HP1BP3: variants seen among roughly 807,000 people sequenced by gnomAD.
HP1BP3 encodes the protein heterochromatin protein 1 binding protein 3.
In HP1BP3, 12 loss-of-function variants were observed where a neutral mutation model predicts 62.5. The observed-to-expected ratio is 0.19, with a 90% CI of 0.12 to 0.31. HP1BP3 has a LOEUF of 0.31. Ranked by LOEUF, HP1BP3 falls within the 10% of genes least tolerant of loss-of-function variation. HP1BP3 has a pLI of 1.00. For synonymous variants in HP1BP3, 260 were observed against 237.8 expected (o/e 1.09, Z -0.86); for missense variants, 502 against 651.8 (o/e 0.77, Z 2.50).
chr1:20,771,207 A>C, intron 5 of HP1BP3, 134 bp from the exon 6 acceptor site: 1 of 666,570 alleles, frequency 1.5e-6, no homozygotes, highest in Non-Finnish European at 2.6e-6. Flanking sequence ...ACTTCAGAAG[A>C]CTTCAGTTCA....
intron 3 of HP1BP3, among the ~76,000 whole-genome samples, chr1:20,779,426 G>A (rs1388401747): frequency 6.6e-6 from 1 of 151,946 alleles, no homozygotes; most frequent in Non-Finnish European, 1.5e-5. Context: ...TTCTCTGAAG[G>A]CCTCCAGATG....
chr1:20,752,329 G>C (rs1418276116), intron 9 of HP1BP3, among the ~76,000 whole-genome samples: 1 of 151,582 alleles, frequency 6.6e-6, no homozygotes, highest in Admixed American at 6.6e-5. Context: ...GAGTTTCGCT[G>C]TGTTGCCCAG....
At chr1:20,745,759 C>A in intron 11 of HP1BP3, 103 bp from the exon 12 acceptor site, 1 of 1,198,080 alleles carries the variant, frequency 8.3e-7, no homozygotes, top group Non-Finnish European at 1.2e-6. Context: ...TTCTTCCCAC[C>A]CTTCCCAAAA....
At chr1:20,770,362 C>T (rs1330362919) in intron 6 of HP1BP3, among the ~76,000 whole-genome samples, 1 of 152,152 alleles carries the variant, frequency 6.6e-6, no homozygotes, top group African/African-American at 2.4e-5. Flanking sequence ...TCACTCTCAC[C>T]GAGGCTGGAG....
At chr1:20,746,186 A>ATGTGTGTGTGTGTGTG (rs35710978) in intron 11 of HP1BP3, among the ~76,000 whole-genome samples, 17 of 143,144 alleles carry the variant, frequency 1.2e-4, no homozygotes, top group African/African-American at 4.3e-4. Context: ...ACATACATAT[A>ATGTGTGTGTGTGTGTG]TGTGTGTGTG....
chr1:20,759,255 T>C (rs1402572459), intron 8 of HP1BP3, among the ~76,000 whole-genome samples: 2 of 152,040 alleles, frequency 1.3e-5, no homozygotes, highest in South Asian at 2.1e-4. Context: ...ACAAAATTAG[T>C]CAGGTGTGGT....
Position 20,780,393 on chromosome 1 carries a change from G to T in HP1BP3, c.48C>A (p.Leu16=). ...SQGELVHPKA[L]PLIVGAQLIH... The stretch of plus-strand genomic sequence containing the variant: ...TCAGCTGAGCTCCTACTATAAGTGG[G>T]AGTGCCTTAGGATGGACGAGTTCAC... The change falls in exon 2 of 13, where the codon CTC becomes CTA. Residue 16 remains leucine, a synonymous_variant. Transcript: ENST00000438032. The T allele has an allele frequency of 1.2e-6, 2 of 1,614,022 alleles. No individual in the cohort carries two copies. Among genetic ancestry groups the T allele is most frequent in the Non-Finnish European group, 1.7e-6 (2 of 1,179,932 alleles).
chr1:20,770,842 A>G, intron 6 of HP1BP3, 88 bp downstream of exon 6: 1 of 974,856 alleles, frequency 1.0e-6, no homozygotes, highest in Non-Finnish European at 1.5e-6. Context: ...TTTTAACAAA[A>G]AAGGCACAAA....
intron 1 of HP1BP3, chr1:20,786,579 G>A (rs2057846269): frequency 6.6e-6 from 1 of 152,252 alleles, no homozygotes. Context: ...GCTCGGCAGG[G>A]ACACCGCGGC....
At chr1:20,781,360 TAAG>T (rs2057537473) in intron 1 of HP1BP3, among the ~76,000 whole-genome samples, 1 of 152,222 alleles carries the variant, frequency 6.6e-6, no homozygotes, top group African/African-American at 2.4e-5. Flanking sequence ...ACTTCTACAT[TAAG>T]GTCTAACCTT....
Position 20,773,578 on chromosome 1 carries a change from T to A in HP1BP3, c.383A>T (p.Lys128Ile). The A allele has an allele frequency of 6.2e-7, 1 of 1,608,992 alleles. No homozygotes were observed. The highest frequency in any genetic ancestry group is 8.5e-7 in the Non-Finnish European group (1 of 1,177,074). ...EKDQSKEKEK[K>I]VKKTIPSWAT... ...CCAGGAAGGAATTGTTTTTTTCACT[T>A]TCTTCTCCTTTTCTTTAGACTGATC... Residue 128 changes from lysine to isoleucine, a missense_variant, in exon 5 of 13, where the codon AAA (lysine) becomes ATA (isoleucine). Coordinates refer to ENST00000438032, the MANE Select transcript of HP1BP3 (RefSeq NM_001372052.1).
At chr1:20,747,722 A>C in intron 10 of HP1BP3, 67 bp from the exon 11 acceptor site, 1 of 885,846 alleles carries the variant, frequency 1.1e-6, no homozygotes, top group Non-Finnish European at 1.8e-6. Flanking sequence ...CTCAACCACA[A>C]ACAGATGCCC....
At chr1:20,754,162 A>G (rs143493371) in intron 9 of HP1BP3, among the ~76,000 whole-genome samples, 1 of 152,384 alleles carries the variant, frequency 6.6e-6, no homozygotes, top group African/African-American at 2.4e-5. Flanking sequence ...GCAAGGGCGA[A>G]GGATACAAGA....
chr1:20,786,998 C>T (rs2057873182), intron 1 of HP1BP3, among the ~76,000 whole-genome samples, 197 bp downstream of exon 1: 2 of 151,926 alleles, frequency 1.3e-5, no homozygotes. Flanking sequence ...GGGGCTAGGT[C>T]GCAGGAGAGA....
intron 1 of HP1BP3, among the ~76,000 whole-genome samples, chr1:20,784,249 T>C (rs781048220): frequency 2.2e-4 from 34 of 151,978 alleles, no homozygotes; most frequent in Non-Finnish European, 4.0e-4. Context: ...GGATTACAGG[T>C]GTAAGCCACT....
chr1:20,782,909 A>G (rs1291167153), intron 1 of HP1BP3, among the ~76,000 whole-genome samples: 2 of 19,768 alleles, frequency 1.0e-4, no homozygotes, highest in Non-Finnish European at 1.9e-4. Flanking sequence ...CAAAAAAAAG[A>G]AAAAAAAAAA....
chr1:20,775,857 T>G (rs1253131547), intron 4 of HP1BP3: 1 of 1,179,410 alleles, frequency 8.5e-7, no homozygotes, highest in Non-Finnish European at 1.2e-6. Context: ...TAAGTACACT[T>G]TATGATGTTG....
chr1:20,766,078 G>C (rs1412703327), intron 7 of HP1BP3, among the ~76,000 whole-genome samples: 1 of 151,982 alleles, frequency 6.6e-6, no homozygotes, highest in Non-Finnish European at 1.5e-5. Context: ...GATAACCTGA[G>C]GTCTCAAGTT....
chr1:20,759,286 G>A (rs1231270095), intron 8 of HP1BP3, among the ~76,000 whole-genome samples: 2 of 152,166 alleles, frequency 1.3e-5, no homozygotes, highest in African/African-American at 2.4e-5. Flanking sequence ...TGTAATCCCA[G>A]CTACTTGGGA....
Sources: gnomAD v4.1 joint callset for allele counts (sites outside exome capture counted in the v4.1 genomes callset) on GRCh38, gnomAD v4.1.1 for gene constraint, MANE v1.5 for transcripts, NCBI Gene and HGNC (gene_info 2026-07-23, HGNC 2026-07-21) for gene names.